LCA5: variants seen among roughly 807,000 people sequenced by gnomAD.
LCA5 encodes lebercilin LCA5.
LCA5 carries 37 observed loss-of-function variants against 53.0 expected under a neutral mutation model. The observed-to-expected ratio is 0.70, with a 90% CI of 0.54 to 0.92. LCA5 has a LOEUF of 0.92. Ranked by LOEUF, LCA5 falls within the 40% of genes least tolerant of loss-of-function variation. The pLI is 0.00. For missense variants in LCA5, 806 were observed against 790.5 expected, an observed-to-expected ratio of 1.02 and a Z score of -0.23; for synonymous variants, 303 against 282.9, an observed-to-expected ratio of 1.07 and a Z score of -0.71.
chr6:79,538,018 GTTTTTTTTTTTTTTTTT>G (rs869197362), upstream of LCA5, among the ~76,000 whole-genome samples: 553 of 44,162 alleles, frequency 0.013, 25 homozygotes, highest in African/African-American at 0.036. Context: ...TTGCACACAA[GTTTTTTTTTTTTTTTTT>G]TTTTTTTTTT....
rs1769624514 is a variant in LCA5 at position 79,485,486 on chromosome 6, T to C, written c.*1518A>G. 6.6e-6 allele frequency: 1 copy of C among 152,580 alleles called. No individual in the cohort carries two copies. The highest frequency in any genetic ancestry group is 2.1e-4 in the South Asian group (1 of 4,832). 9.5% of individuals were successfully genotyped at this position (152,580 alleles called of 1,614,324 possible). On this transcript the variant is annotated 3_prime_UTR_variant, in exon 8 of 8. Transcript: ENST00000369846. The stretch of plus-strand genomic sequence containing the variant: ...AATCTATTAAGAAAACTTTTTAATA[T>C]AGTTTAGCACTTTTGAGAGATTCTG...
intron 3 of LCA5, 140 bp from the exon 4 acceptor site, chr6:79,493,890 TA>T: frequency 1.6e-6 from 1 of 626,214 alleles, no homozygotes; most frequent in Non-Finnish European, 2.7e-6. Context: ...TTCATGTACA[TA>T]AGCTGGGAAA....
chr6:79,538,018 G>GTTT (rs869197362), upstream of LCA5, among the ~76,000 whole-genome samples: 655 of 44,148 alleles, frequency 0.015, 152 homozygotes, highest in Non-Finnish European at 0.017. Flanking sequence ...TTGCACACAA[G>GTTT]TTTTTTTTTT....
At chr6:79,528,085 G>C (rs753242661) in intron 1 of LCA5, among the ~76,000 whole-genome samples, 12 of 152,138 alleles carry the variant, frequency 7.9e-5, no homozygotes, top group Non-Finnish European at 1.3e-4. Context: ...AACAACCTCA[G>C]GCAAAGGTGG....
chr6:79,513,026 T>C, intron 3 of LCA5, 186 bp downstream of exon 3: 1 of 636,838 alleles, frequency 1.6e-6, no homozygotes, highest in East Asian at 2.8e-5. Context: ...ATGTAGCTCA[T>C]TAATGTACAC....
rs114683642 is a variant in LCA5 at position 79,508,405 on chromosome 6, G to A, written c.720+4807C>T. ...AAATAAGCCTGTACCCAACTTACAG[G>A]CTGATGTCCTGGCGAAGTTTTTCAC... On this transcript the variant is annotated intron_variant, in intron 3 of 7. Coordinates refer to ENST00000369846, the MANE Select transcript of LCA5 (RefSeq NM_001122769.3). Among the ~76,000 whole-genome samples the A allele has an allele frequency of 6.3e-3, 964 of 152,206 alleles. 8 individuals carry two copies. Among genetic ancestry groups the A allele is most frequent in the African/African-American group, 0.022 (922 of 41,510 alleles).
intron 2 of LCA5, among the ~76,000 whole-genome samples, 155 bp downstream of exon 2, chr6:79,518,550 T>C (rs1314102675): frequency 2.0e-5 from 3 of 151,954 alleles, no homozygotes; most frequent in Admixed American, 6.6e-5. Context: ...CATTTATATA[T>C]ACTTATAAGT....
At chr6:79,507,251 T>A (rs1562103135) in intron 3 of LCA5, among the ~76,000 whole-genome samples, 1 of 152,190 alleles carries the variant, frequency 6.6e-6, no homozygotes, top group Non-Finnish European at 1.5e-5. Context: ...CTTGTCCTAA[T>A]TTATTTTTGG....
rs145058393 is a variant in LCA5 at position 79,487,674 on chromosome 6, T to C, written c.1424A>G (p.Asp475Gly). ...EMLLAKLNEI[D>G]RELQDSRNLK... Reference sequence around the variant, plus strand: ...ATTTCGAGAATCTTGGAGTTCTCTGTCAATTTCATTCAGTTTAGCAAGTAG... The same window carrying C: ...ATTTCGAGAATCTTGGAGTTCTCTGCCAATTTCATTCAGTTTAGCAAGTAG... The change falls in exon 8 of 8, where the codon GAC becomes GGC. Residue 475 changes from aspartate (D) to glycine (G), a missense_variant. Asp to Gly is a moderately conservative substitution (Grantham distance 94). Transcript: ENST00000369846. 24 of 1,613,856 alleles carry C rather than the reference T, an allele frequency of 1.5e-5. No homozygotes were observed. The African/African-American group carries it at 2.5e-4, about 17-fold the overall frequency.
rs199824951 is a variant in LCA5, at chr6:79,513,254, A to C, written c.678T>G (p.Val226=). The change falls in exon 3 of 8, where the codon GTT becomes GTG. Residue 226 remains valine (V), a synonymous_variant. Transcript: ENST00000369846. ...TGTCATCTAACTTTAACTCTGCTGA[A>C]ACTAGTTTCTTTGCCAAATCATCTC... The part of the protein sequence containing the change: ...PERDDLAKKL[V]SAELKLDDTE... The C allele has an allele frequency of 1.7e-5, 27 of 1,613,580 alleles. No homozygotes were observed. In the Middle Eastern group the frequency reaches 1.2e-3, roughly 69 times the overall value.
In LCA5 at chr6:79,487,819, A is replaced by C. The variant is rs1425512535; in HGVS notation, c.1279T>G (p.Leu427Val). The change falls in exon 8 of 8, where the codon TTA (leucine) becomes GTA (valine). Residue 427 changes from leucine to valine, a missense_variant. By Grantham distance (32) the Leu-to-Val change is conservative. Coordinates refer to ENST00000369846, the MANE Select transcript of LCA5 (RefSeq NM_001122769.3). ...LDKKQKEKASLLEREEKPEWE... is the reference protein window; with the variant it reads ...LDKKQKEKASVLEREEKPEWE... ...TCTGGCTTTTCTTCTCTTTCCAGTA[A>C]AGATGCCTTTTCTTTTTGCTTTTTA... is the stretch of plus-strand genomic sequence containing the variant. 3 of 1,609,756 alleles carry C rather than the reference A, an allele frequency of 1.9e-6. No individual in the cohort carries two copies. The highest frequency in any genetic ancestry group is 2.5e-6 in the Non-Finnish European group (3 of 1,178,704).
At chr6:79,489,802 C>A (rs968950357) in intron 6 of LCA5, among the ~76,000 whole-genome samples, 3 of 152,016 alleles carry the variant, frequency 2.0e-5, no homozygotes, top group African/African-American at 7.2e-5. Context: ...CCATTTTCAT[C>A]TTCTCCCTTT....
intron 1 of LCA5, among the ~76,000 whole-genome samples, chr6:79,529,058 T>C (rs1766876413): frequency 6.6e-6 from 1 of 150,748 alleles, no homozygotes; most frequent in Non-Finnish European, 1.5e-5. Context: ...CTTACATCTC[T>C]CATAACTGTG....
chr6:79,497,440 T>C, intron 3 of LCA5, among the ~76,000 whole-genome samples: 1 of 152,136 alleles, frequency 6.6e-6, no homozygotes, highest in East Asian at 1.9e-4. Context: ...TATTCAGTAT[T>C]CTCACCAAAA....
intron 3 of LCA5, among the ~76,000 whole-genome samples, chr6:79,511,921 C>G (rs919907221): frequency 6.6e-6 from 1 of 152,044 alleles, no homozygotes; most frequent in Non-Finnish European, 1.5e-5. Flanking sequence ...TTTCTTCTCC[C>G]TCTCCACCAC....
Position 79,487,198 on chromosome 6 carries a change from T to C in LCA5, c.1900A>G (p.Ile634Val), listed in dbSNP as rs1769687329. ...PNSVASSKGD[I>V]DPLNFLPGNK... The stretch of plus-strand genomic sequence containing the variant: ...CCAGGGAGAAAATTTAGAGGGTCAA[T>C]GTCTCCTTTACTGGAAGCCACAGAA... Residue 634 changes from isoleucine (I) to valine (V), a missense_variant, in exon 8 of 8, where the codon ATT becomes GTT. Physicochemically the swap from Ile to Val is conservative, Grantham distance 29 (BLOSUM62 3). Transcript: ENST00000369846. The C allele has an allele frequency of 1.9e-6, 3 of 1,614,052 alleles. No homozygotes were observed. The African/African-American group carries it at 4.0e-5, about 22-fold the overall frequency.
chr6:79,504,023 C>CA (rs1298095584), intron 3 of LCA5, among the ~76,000 whole-genome samples: 5 of 152,052 alleles, frequency 3.3e-5, no homozygotes, highest in Non-Finnish European at 5.9e-5. Flanking sequence ...GGATGGGAAA[C>CA]AAAAAATGTA....
Position 79,495,304 on chromosome 6 carries a change from CA to C in LCA5, c.721-1555del, listed in dbSNP as rs1769950423. On this transcript the variant is annotated intron_variant, in intron 3 of 7. Coordinates refer to ENST00000369846, the MANE Select transcript of LCA5 (RefSeq NM_001122769.3). ...CTTCCACGAAATCAGTGCCTGGTGCCAAAAAGGTTGGGGACCGCTGTACTAA... is the reference window on the plus strand; with the variant it reads ...CTTCCACGAAATCAGTGCCTGGTGCCAAAAGGTTGGGGACCGCTGTACTAA... Among the ~76,000 whole-genome samples, 8 of 152,136 alleles carry C rather than the reference CA, an allele frequency of 5.3e-5. No individual in the cohort carries two copies. In the South Asian group the frequency reaches 1.7e-3, roughly 32 times the overall value.
intron 1 of LCA5, chr6:79,525,041 CTT>C (rs1171056180): frequency 6.6e-6 from 1 of 151,912 alleles, no homozygotes; most frequent in Non-Finnish European, 1.5e-5. Context: ...TCCAAGAACT[CTT>C]TGTTGTTCCG....
Sources: allele counts gnomAD v4.1 joint callset (sites outside exome capture counted in the v4.1 genomes callset), GRCh38; gene constraint gnomAD v4.1.1; transcripts MANE v1.5; gene names NCBI Gene and HGNC (gene_info 2026-07-23, HGNC 2026-07-21).